PCDHGB3: variants seen among roughly 807,000 people sequenced by gnomAD.
The protein encoded by PCDHGB3 is protocadherin gamma-B3.
A neutral mutation model predicts 59.2 loss-of-function variants in PCDHGB3; 40 were observed. The observed-to-expected ratio is 0.68, with a 90% confidence interval of 0.52 to 0.88. PCDHGB3 has a LOEUF of 0.88. Among genes scored for constraint, PCDHGB3 ranks in the 40% least tolerant of loss-of-function variants. PCDHGB3 has a pLI of 0.00. For synonymous variants in PCDHGB3, 581 were observed against 503.6 expected, an observed-to-expected ratio of 1.15 and a Z score of -2.06; for missense variants, 1,309 against 1,187.9, an observed-to-expected ratio of 1.10 and a Z score of -1.50.
intron 1 of PCDHGB3, among the ~76,000 whole-genome samples, chr5:141,450,397 C>T (rs529143168): frequency 6.6e-6 from 1 of 152,300 alleles, no homozygotes; most frequent in South Asian, 2.1e-4. Flanking sequence ...TTTGTAAAGA[C>T]TAGAAGCCAT....
In PCDHGB3 at chr5:141,493,755, A is replaced by C. The variant is rs1364524112; in HGVS notation, c.2416-1052A>C. Among the ~76,000 whole-genome samples, 1 of 152,148 alleles carries C rather than the reference A, an allele frequency of 6.6e-6. No homozygotes were observed. The highest frequency in any genetic ancestry group is 2.4e-5 in the African/African-American group (1 of 41,440). On this transcript the variant is annotated intron_variant, in intron 1 of 3. Coordinates refer to ENST00000576222, the MANE Select transcript of PCDHGB3 (RefSeq NM_018924.5). The surrounding 1 kb of genome is among the most constrained non-coding windows in gnomAD (Gnocchi z 4.3). ...ATATCACTGCCACCTGTGAGCCTTG[A>C]GTGAGCCACTGGCAGTTCCGGAGCT...
At chr5:141,403,773 A>G (rs1286965459) in intron 1 of PCDHGB3, 5 of 1,613,956 alleles carry the variant, frequency 3.1e-6, no homozygotes, top group Non-Finnish European at 4.2e-6. Flanking sequence ...GAGGGAATCA[A>G]CGGAAAAGTG....
intron 1 of PCDHGB3, among the ~76,000 whole-genome samples, chr5:141,460,976 T>C (rs1444476508): frequency 7.6e-6 from 1 of 131,636 alleles, no homozygotes; most frequent in Non-Finnish European, 1.6e-5. Flanking sequence ...TGTGTGTGTG[T>C]GTGTGTGTAT....
chr5:141,507,872 C>T (rs2099864458), intron 3 of PCDHGB3, among the ~76,000 whole-genome samples: 1 of 152,168 alleles, frequency 6.6e-6, no homozygotes, highest in African/African-American at 2.4e-5. Flanking sequence ...GCTTCCTAGC[C>T]CTGAAACCAG....
rs758132181 is a variant in PCDHGB3, at chr5:141,486,827, C to T, written c.2416-7980C>T. On this transcript the variant is annotated intron_variant, in intron 1 of 3. Coordinates refer to ENST00000576222, the MANE Select transcript of PCDHGB3 (RefSeq NM_018924.5). This position sits in a 1 kb window ranked among gnomAD's most constrained non-coding sequence, Gnocchi z 5.0. The stretch of plus-strand genomic sequence containing the variant: ...ACCCCTTAGCAGCACTGTAACAGTT[C>T]GTCTATTTGTGCTGGACCTCAATGA... 10 of 1,614,110 alleles carry T rather than the reference C, an allele frequency of 6.2e-6. No individual in the cohort carries two copies. The African/African-American group carries it at 8.0e-5, about 13-fold the overall frequency.
At position 141,372,119 on chromosome 5, in the gene PCDHGB3, C is replaced by T. The variant is rs568477128; in HGVS notation, c.1725C>T (p.Phe575=). Residue 575 remains phenylalanine, a synonymous_variant, in exon 1 of 4, where the codon TTC becomes TTT. Transcript: ENST00000576222. ...TGGGGCCCGAAGGCTCTGCGCTCTT[C>T]GATATGGTGCCGCGCTCTGCAGAGC... ...PALGPEGSAL[F]DMVPRSAEPG... 2 of 1,613,802 alleles carry T rather than the reference C, an allele frequency of 1.2e-6. No homozygotes were observed. Among genetic ancestry groups the T allele is most frequent in the East Asian group, 2.2e-5 (1 of 44,874 alleles).
In PCDHGB3 at chr5:141,476,868, C is replaced by G. The variant is rs1213404395; in HGVS notation, c.2416-17939C>G. On this transcript the variant is annotated intron_variant, in intron 1 of 3. Transcript: ENST00000576222. This position sits in a 1 kb window ranked among gnomAD's most constrained non-coding sequence, Gnocchi z 7.6. Reference sequence around the variant, plus strand: ...GTCTTCAACCAGTCCTTGTACCGGGCGCGCGTCCTGGAGGATGCACCCTCC... The same window carrying G: ...GTCTTCAACCAGTCCTTGTACCGGGGGCGCGTCCTGGAGGATGCACCCTCC... 2.5e-6 allele frequency: 4 copies of G among 1,613,874 alleles called. No homozygotes were observed. Among genetic ancestry groups the G allele is most frequent in the Non-Finnish European group, 3.4e-6 (4 of 1,180,050 alleles).
Position 141,486,812 on chromosome 5 carries a change from A to G in PCDHGB3, c.2416-7995A>G, listed in dbSNP as rs781747283. 6.2e-7 allele frequency: 1 copy of G among 1,614,226 alleles called. No individual in the cohort carries two copies. The highest frequency in any genetic ancestry group is 8.5e-7 in the Non-Finnish European group (1 of 1,180,046). ...GGATCGGGGCAACCCACCCCTTAGC[A>G]GCACTGTAACAGTTCGTCTATTTGT... On this transcript the variant is annotated intron_variant, in intron 1 of 3. Transcript: ENST00000576222. This position sits in a 1 kb window ranked among gnomAD's most constrained non-coding sequence, Gnocchi z 5.0.
chr5:141,489,636 C>A lies in PCDHGB3; in HGVS notation c.2416-5171C>A, dbSNP rs753380268. 3.8e-5 allele frequency: 62 copies of A among 1,614,074 alleles called. No individual in the cohort carries two copies. The highest frequency in any genetic ancestry group is 5.1e-5 in the Non-Finnish European group (60 of 1,180,038). ...TGGATCTCAATGACAACTCTCCTAG[C>A]TTTGCCACCCCTGAGCGAGAGATGC... is the stretch of plus-strand genomic sequence containing the variant. On this transcript the variant is annotated intron_variant, in intron 1 of 3. Coordinates refer to ENST00000576222, the MANE Select transcript of PCDHGB3 (RefSeq NM_018924.5). The surrounding 1 kb of genome is among the most constrained non-coding windows in gnomAD (Gnocchi z 4.5).
At chr5:141,375,934 C>T in intron 1 of PCDHGB3, 3 of 1,613,738 alleles carry the variant, frequency 1.9e-6, no homozygotes, top group Non-Finnish European at 2.5e-6. Context: ...CAGGACTTTT[C>T]TCAGTGGGCC....
Position 141,476,461 on chromosome 5 carries a change from G to T in PCDHGB3, c.2416-18346G>T. On this transcript the variant is annotated intron_variant, in intron 1 of 3. Transcript: ENST00000576222. This position sits in a 1 kb window ranked among gnomAD's most constrained non-coding sequence, Gnocchi z 7.6. The stretch of plus-strand genomic sequence containing the variant: ...CTCTGGAGTTGGTAGTGGAGAACCC[G>T]CTGGAGCTGTTCAGCGTGGAAGTGG... The T allele has an allele frequency of 6.2e-7, 1 of 1,614,122 alleles. No homozygotes were observed. Among genetic ancestry groups the T allele is most frequent in the Non-Finnish European group, 8.5e-7 (1 of 1,180,022 alleles).
chr5:141,375,539 CAA>C lies in PCDHGB3; in HGVS notation c.2415+2731_2415+2732del, dbSNP rs761563017. The C allele has an allele frequency of 1.7e-5, 28 of 1,613,986 alleles. No homozygotes were observed. The East Asian group carries it at 6.0e-4, about 35-fold the overall frequency. On this transcript the variant is annotated intron_variant, in intron 1 of 3. Transcript: ENST00000576222. ...GGACCCTGACGTGGACCAGAACGCC[CAA>C]GTCTCCTACTCACTGGCAGAAGACA...
intron 1 of PCDHGB3, among the ~76,000 whole-genome samples, chr5:141,492,408 C>T (rs1187024017): frequency 2.0e-5 from 3 of 152,244 alleles, no homozygotes; most frequent in African/African-American, 2.4e-5. Flanking sequence ...CTCCCCTCTG[C>T]CGCTCCCTCC....
Position 141,511,350 on chromosome 5 carries a change from C to G in PCDHGB3, c.*177C>G, listed in dbSNP as rs1303365585. 4.3e-6 allele frequency: 6 copies of G among 1,397,194 alleles called. No homozygotes were observed. Among genetic ancestry groups the G allele is most frequent in the East Asian group, 2.5e-5 (1 of 39,862 alleles). The allele number at this position is 1,397,194 out of a possible 1,614,324, so 86.5% of individuals were successfully genotyped here. On this transcript the variant is annotated 3_prime_UTR_variant, in exon 4 of 4. Transcript: ENST00000576222. ...CCCAGTCAGCACCTACCCCTTCCCC[C>G]CCAGGGGGTTGAATATGCAAAAGCA...
At chr5:141,420,101 T>C (rs1160215468) in intron 1 of PCDHGB3, 1 of 1,613,928 alleles carries the variant, frequency 6.2e-7, no homozygotes, top group Non-Finnish European at 8.5e-7. Flanking sequence ...TGAGGGAACG[T>C]TGCCCTATGC....
At position 141,477,596 on chromosome 5, in the gene PCDHGB3, T is replaced by G. The variant is rs1364779381; in HGVS notation, c.2416-17211T>G. ...CGCCCCGCAGAATGCTCGGCTTTCTTTCTTTCTCTTGGAGCAAGGAGCTGA... is the reference window on the plus strand; with the variant it reads ...CGCCCCGCAGAATGCTCGGCTTTCTGTCTTTCTCTTGGAGCAAGGAGCTGA... On this transcript the variant is annotated intron_variant, in intron 1 of 3. Transcript: ENST00000576222. This position sits in a 1 kb window ranked among gnomAD's most constrained non-coding sequence, Gnocchi z 4.9. The G allele has an allele frequency of 6.2e-7, 1 of 1,614,184 alleles. No individual in the cohort carries two copies. The highest frequency in any genetic ancestry group is 1.1e-5 in the South Asian group (1 of 91,086).
chr5:141,427,491 G>A (rs1158414276), intron 1 of PCDHGB3: 1 of 553,626 alleles, frequency 1.8e-6, no homozygotes, highest in Non-Finnish European at 3.4e-6. Context: ...CTATAAGCTT[G>A]TAACAGATGG....
At chr5:141,453,492 G>A (rs1046043468) in intron 1 of PCDHGB3, among the ~76,000 whole-genome samples, 7 of 152,000 alleles carry the variant, frequency 4.6e-5, no homozygotes, top group African/African-American at 7.3e-5. Context: ...AAAAAAAGGT[G>A]TACTCAGAAA....
At chr5:141,437,497 T>A (rs2097889891) in intron 1 of PCDHGB3, among the ~76,000 whole-genome samples, 1 of 152,190 alleles carries the variant, frequency 6.6e-6, no homozygotes, top group Non-Finnish European at 1.5e-5. Flanking sequence ...TAGATCACTT[T>A]TCAATGAATT....
Sources: gnomAD v4.1 joint callset for allele counts (sites outside exome capture counted in the v4.1 genomes callset) on GRCh38, gnomAD v4.1.1 for gene constraint, Gnocchi (gnomAD v3.1) non-coding constraint, MANE v1.5 for transcripts, NCBI Gene and HGNC (gene_info 2026-07-23, HGNC 2026-07-21) for gene names.